Variants in PCDHGB4 observed in about 807,000 individuals in gnomAD.
PCDHGB4 encodes protocadherin gamma subfamily B, 4, also known as protocadherin gamma-B4.
Under a neutral mutation model 60.5 loss-of-function variants are expected in PCDHGB4, and 38 were observed. The observed-to-expected ratio is 0.63, with a 90% CI of 0.48 to 0.82. The LOEUF (loss-of-function observed/expected upper bound fraction) is 0.82, where lower values mean the gene tolerates loss of function less well. Ranked by LOEUF, PCDHGB4 falls within the 40% of genes least tolerant of loss-of-function variation. The probability of loss-of-function intolerance (pLI) is 0.00; values close to 1 mark genes in which losing one functional copy is unlikely to be tolerated. For missense variants in PCDHGB4, 1,109 were observed against 1,209.6 expected (o/e 0.92, Z 1.23); for synonymous variants, 456 against 509.7 (o/e 0.89, Z 1.42).
At chr5:141,404,302 T>G (rs377754198) in intron 1 of PCDHGB4, 1 of 1,613,858 alleles carries the variant, frequency 6.2e-7, no homozygotes, top group African/African-American at 1.3e-5. Flanking sequence ...ATAATCCACC[T>G]GCTTTCTCTC....
At chr5:141,445,118 G>A (rs964726987) in intron 1 of PCDHGB4, among the ~76,000 whole-genome samples, 1 of 152,148 alleles carries the variant, frequency 6.6e-6, no homozygotes, top group Non-Finnish European at 1.5e-5. Flanking sequence ...ATTGTAAATA[G>A]TATTTTTAAA....
At chr5:141,505,081 G>A (rs2099843521) in intron 2 of PCDHGB4, among the ~76,000 whole-genome samples, 3 of 152,146 alleles carry the variant, frequency 2.0e-5, no homozygotes, top group Admixed American at 2.0e-4. Flanking sequence ...AGAATCGCTT[G>A]AACCCAGGAG....
At chr5:141,478,042 G>A (rs1358652557) in intron 1 of PCDHGB4, 18 of 1,614,152 alleles carry the variant, frequency 1.1e-5, no homozygotes, top group Non-Finnish European at 1.5e-5. Flanking sequence ...CACCCAGGCA[G>A]ACTCTCACGG....
chr5:141,418,413 A>T, intron 1 of PCDHGB4: 1 of 1,614,048 alleles, frequency 6.2e-7, no homozygotes, highest in Non-Finnish European at 8.5e-7. Flanking sequence ...GAGAAAGACA[A>T]TCCTGATGGT....
At chr5:141,464,443 T>G (rs903733972) in intron 1 of PCDHGB4, among the ~76,000 whole-genome samples, 1 of 151,634 alleles carries the variant, frequency 6.6e-6, no homozygotes, top group African/African-American at 2.4e-5. Context: ...ATGTTTGTTG[T>G]TGTTGTTGTT....
intron 1 of PCDHGB4, among the ~76,000 whole-genome samples, chr5:141,430,247 G>T (rs1003479541): frequency 9.7e-6 from 1 of 102,928 alleles, no homozygotes; most frequent in Non-Finnish European, 1.8e-5. Flanking sequence ...AACTCCTAGG[G>T]AGACATCTCC....
chr5:141,448,232 T>A (rs917554207), intron 1 of PCDHGB4, among the ~76,000 whole-genome samples: 1 of 152,094 alleles, frequency 6.6e-6, no homozygotes, highest in Admixed American at 6.6e-5. Context: ...ATGTGTGGGG[T>A]TTTCTTTGCA....
chr5:141,509,421 A>T (rs939726886), intron 3 of PCDHGB4, among the ~76,000 whole-genome samples: 5 of 152,088 alleles, frequency 3.3e-5, no homozygotes, highest in Non-Finnish European at 1.5e-5. Context: ...AGCCCCAATG[A>T]GTCAAACTCT....
At position 141,491,809 on chromosome 5, in the gene PCDHGB4, C is replaced by A. The variant is rs1421763758; in HGVS notation, c.2398-2998C>A. The A allele has an allele frequency of 6.7e-7, 1 of 1,487,044 alleles. No homozygotes were observed. The highest frequency in any genetic ancestry group is 1.4e-5 in the South Asian group (1 of 72,986). The allele number at this position is 1,487,044 out of a possible 1,614,324, so 92.1% of individuals were successfully genotyped here. On this transcript the variant is annotated intron_variant, in intron 1 of 3. Coordinates refer to ENST00000519479, the MANE Select transcript of PCDHGB4 (RefSeq NM_003736.4). This position sits in a 1 kb window ranked among gnomAD's most constrained non-coding sequence, Gnocchi z 6.9. Reference sequence around the variant, plus strand: ...TCCACTCCTCTCCGGCCGGCTTGGTCGCTGGCTGCGCTCCACCCGATTCTC... The same window carrying A: ...TCCACTCCTCTCCGGCCGGCTTGGTAGCTGGCTGCGCTCCACCCGATTCTC...
intron 3 of PCDHGB4, 43 bp from the exon 4 acceptor site, chr5:141,510,903 GA>G: frequency 6.2e-7 from 1 of 1,613,454 alleles, no homozygotes; most frequent in Non-Finnish European, 8.5e-7. Flanking sequence ...GACTGTTGAG[GA>G]CCCTAAGTTT....
chr5:141,409,629 C>T (rs1379627250), intron 1 of PCDHGB4: 3 of 1,613,860 alleles, frequency 1.9e-6, no homozygotes, highest in East Asian at 4.5e-5. Flanking sequence ...CAAGTGAGCG[C>T]CTCTGACCCG....
intron 1 of PCDHGB4, among the ~76,000 whole-genome samples, chr5:141,425,045 C>T (rs1374682125): frequency 6.6e-6 from 1 of 152,136 alleles, no homozygotes; most frequent in East Asian, 1.9e-4. Context: ...TGTAAACTGA[C>T]TATCTAGGGC....
intron 1 of PCDHGB4, chr5:141,426,795 C>G (rs1214340018): frequency 2.2e-6 from 1 of 456,700 alleles, no homozygotes. Context: ...GAGTTACCAG[C>G]TCAGTTCTAA....
chr5:141,482,245 G>A (rs72790067), intron 1 of PCDHGB4, among the ~76,000 whole-genome samples: 74 of 152,252 alleles, frequency 4.9e-4, no homozygotes, highest in Non-Finnish European at 7.9e-4. Flanking sequence ...TATAAGTATA[G>A]TACTGTACAT....
chr5:141,434,789 T>C (rs2097718008), intron 1 of PCDHGB4, among the ~76,000 whole-genome samples: 1 of 152,008 alleles, frequency 6.6e-6, no homozygotes, highest in African/African-American at 2.4e-5. Context: ...AAAAAATTTT[T>C]TTTTCTGAGC....
At chr5:141,501,569 G>A (rs1401631416) in intron 2 of PCDHGB4, among the ~76,000 whole-genome samples, 3 of 151,998 alleles carry the variant, frequency 2.0e-5, no homozygotes, top group African/African-American at 7.2e-5. Flanking sequence ...AATCATATTA[G>A]GCTGGCTTTC....
intron 1 of PCDHGB4, chr5:141,405,079 C>G (rs1383258618): frequency 6.2e-7 from 1 of 1,613,898 alleles, no homozygotes; most frequent in South Asian, 1.1e-5. Context: ...CCTTCGTTAT[C>G]ACGCTGCTGG....
chr5:141,419,604 C>T (rs1279434352), intron 1 of PCDHGB4: 1 of 1,611,850 alleles, frequency 6.2e-7, no homozygotes, highest in East Asian at 2.2e-5. Flanking sequence ...CCGCGGGCCG[C>T]GCAGCCAGGC....
chr5:141,419,389 G>C (rs551951411), intron 1 of PCDHGB4: 1 of 1,613,670 alleles, frequency 6.2e-7, no homozygotes, highest in South Asian at 1.1e-5. Context: ...TGAGCGCGCA[G>C]AGCGGGGTGG....
Sources: gnomAD v4.1 joint callset for allele counts (sites outside exome capture counted in the v4.1 genomes callset) on GRCh38, gnomAD v4.1.1 for gene constraint, Gnocchi (gnomAD v3.1) non-coding constraint, MANE v1.5 for transcripts, NCBI Gene and HGNC (gene_info 2026-07-23, HGNC 2026-07-21) for gene names.